Variants in TMCO5A observed in about 807,000 individuals in gnomAD.
The protein encoded by TMCO5A is transmembrane and coiled-coil domains 5A, also known as transmembrane and coiled-coil domain-containing protein 5A.
A neutral mutation model predicts 42.3 loss-of-function variants in TMCO5A; 34 were observed. The observed-to-expected ratio is 0.80, with a 90% CI of 0.61 to 1.07. TMCO5A has a LOEUF of 1.07. Among genes scored for constraint, TMCO5A ranks in the 50% least tolerant of loss-of-function variants. TMCO5A has a pLI of 0.00. For synonymous variants in TMCO5A, 131 were observed against 115.6 expected (o/e 1.13, Z -0.86); for missense variants, 357 against 327.9 (o/e 1.09, Z -0.69).
At chr15:37,974,257 GA>G in the TMCO5A span, among the ~76,000 whole-genome samples, 1 of 152,178 alleles carries the variant, frequency 6.6e-6, no homozygotes, top group Non-Finnish European at 1.5e-5. Flanking sequence ...TTGGTATCAG[GA>G]AGATGCTGGC....
chr15:37,984,721 T>C, the TMCO5A span: 1 of 118,972 alleles, frequency 8.4e-6, no homozygotes, highest in Non-Finnish European at 1.6e-5. Flanking sequence ...GCCTTTCCAC[T>C]CTTCCACCTT....
chr15:38,021,816 T>C, the TMCO5A span, among the ~76,000 whole-genome samples: 2 of 150,560 alleles, frequency 1.3e-5, no homozygotes, highest in African/African-American at 2.4e-5. Context: ...CAGTTTCTTT[T>C]TTTTTTTTTT....
chr15:37,988,794 G>GC, the TMCO5A span, among the ~76,000 whole-genome samples: 7 of 152,106 alleles, frequency 4.6e-5, no homozygotes, highest in East Asian at 1.3e-3. Flanking sequence ...AAGGGATATT[G>GC]TTTTGTAGTT....
At chr15:37,982,797 AATAG>A in the TMCO5A span, among the ~76,000 whole-genome samples, 6 of 147,042 alleles carry the variant, frequency 4.1e-5, no homozygotes, top group East Asian at 3.9e-4. Flanking sequence ...AGACATATAT[AATAG>A]ATATTATATT....
the TMCO5A span, among the ~76,000 whole-genome samples, chr15:38,025,888 A>T: frequency 2.2e-4 from 33 of 152,318 alleles, no homozygotes; most frequent in Non-Finnish European, 5.9e-5. Flanking sequence ...TGATGCTTTT[A>T]TCAGGGGTTT....
At chr15:37,949,532 A>C (rs1291037919) in intron 11 of TMCO5A, among the ~76,000 whole-genome samples, 1 of 152,070 alleles carries the variant, frequency 6.6e-6, no homozygotes, top group Non-Finnish European at 1.5e-5. Flanking sequence ...GAAAGAGTTC[A>C]GAAATTGTGC....
At chr15:37,962,183 G>C (rs1368988790) in intron 11 of TMCO5A, among the ~76,000 whole-genome samples, 2 of 152,002 alleles carry the variant, frequency 1.3e-5, no homozygotes, top group African/African-American at 4.8e-5. Flanking sequence ...ATTTGTCATA[G>C]ATGGCTTTTA....
chr15:37,944,604 AT>A (rs909802209), intron 10 of TMCO5A, among the ~76,000 whole-genome samples: 2 of 151,696 alleles, frequency 1.3e-5, no homozygotes, highest in Non-Finnish European at 2.9e-5. Context: ...CACAGCTCTA[AT>A]TTTTTTTAGT....
chr15:37,997,910 T>C, the TMCO5A span, among the ~76,000 whole-genome samples: 3 of 152,224 alleles, frequency 2.0e-5, no homozygotes, highest in African/African-American at 4.8e-5. Context: ...GGTGAGATTA[T>C]ATTTCATCGT....
chr15:37,975,937 A>T, the TMCO5A span, among the ~76,000 whole-genome samples: 3 of 150,930 alleles, frequency 2.0e-5, no homozygotes, highest in South Asian at 2.1e-4. Context: ...TTCCCTTAGC[A>T]TTTGCTTGTC....
the TMCO5A span, among the ~76,000 whole-genome samples, chr15:37,994,093 C>T: frequency 4.6e-5 from 7 of 152,252 alleles, no homozygotes; most frequent in African/African-American, 1.7e-4. Context: ...GAATTTAAAC[C>T]TCTCCTCCAT....
At chr15:37,970,022 C>A (rs960408516), downstream of TMCO5A, among the ~76,000 whole-genome samples, 6 of 152,134 alleles carry the variant, frequency 3.9e-5, no homozygotes, top group African/African-American at 1.4e-4. Context: ...GGCTTATATT[C>A]CTTTGGGTAT....
At chr15:37,976,876 C>G in the TMCO5A span, among the ~76,000 whole-genome samples, 1 of 149,760 alleles carries the variant, frequency 6.7e-6, no homozygotes, top group Non-Finnish European at 1.5e-5. Context: ...ACCTCCGCCT[C>G]CCAGGTTCAA....
the TMCO5A span, among the ~76,000 whole-genome samples, chr15:38,025,317 T>G: frequency 4.6e-5 from 7 of 152,072 alleles, no homozygotes; most frequent in Non-Finnish European, 4.4e-5. Flanking sequence ...GTAACCTTTT[T>G]GGGGGTCTTT....
the TMCO5A span, among the ~76,000 whole-genome samples, chr15:38,008,049 C>T: frequency 6.6e-6 from 1 of 151,774 alleles, no homozygotes; most frequent in Admixed American, 6.6e-5. Flanking sequence ...GCGCCTGCCA[C>T]CACGCCTGGC....
downstream of TMCO5A, among the ~76,000 whole-genome samples, chr15:37,968,315 C>T (rs995316820): frequency 6.6e-6 from 1 of 152,182 alleles, no homozygotes; most frequent in African/African-American, 2.4e-5. Flanking sequence ...TGGAGATCCA[C>T]CCCTTTGGAG....
At chr15:37,952,914 T>A (rs1308794388), downstream of TMCO5A, among the ~76,000 whole-genome samples, 1 of 152,126 alleles carries the variant, frequency 6.6e-6, no homozygotes, top group Non-Finnish European at 1.5e-5. Flanking sequence ...GAAACATTAG[T>A]GGTAGTCCGG....
downstream of TMCO5A, among the ~76,000 whole-genome samples, chr15:37,954,556 G>C (rs909175379): frequency 2.0e-5 from 3 of 152,052 alleles, no homozygotes; most frequent in African/African-American, 7.2e-5. Context: ...ATGCTAAAGG[G>C]AGTACATTAG....
the TMCO5A span, among the ~76,000 whole-genome samples, chr15:38,035,843 T>C: frequency 1.3e-5 from 2 of 152,158 alleles, no homozygotes; most frequent in African/African-American, 4.8e-5. Flanking sequence ...GTATTGAAGC[T>C]GCCCTAGAAT....
Sources: gnomAD v4.1 joint callset for allele counts (sites outside exome capture counted in the v4.1 genomes callset) on GRCh38, gnomAD v4.1.1 for gene constraint, MANE v1.5 for transcripts, NCBI Gene and HGNC (gene_info 2026-07-23, HGNC 2026-07-21) for gene names.